CCDC170: variants seen among roughly 807,000 people sequenced by gnomAD.
CCDC170 encodes the protein coiled-coil domain containing 170, also known as coiled-coil domain-containing protein 170.
CCDC170 carries 69 observed loss-of-function variants against 72.6 expected under a neutral mutation model. The observed-to-expected ratio is 0.95, with a 90% CI of 0.78 to 1.16. CCDC170 has a LOEUF of 1.16. Ranked by LOEUF, CCDC170 falls within the 50% of genes most tolerant of loss-of-function variation. The pLI, the probability that CCDC170 is intolerant of heterozygous loss-of-function variation, is 0.00. For synonymous variants in CCDC170, 300 were observed against 303.9 expected (o/e 0.99, Z 0.13); for missense variants, 852 against 832.5 (o/e 1.02, Z -0.29).
intron 1 of CCDC170, among the ~76,000 whole-genome samples, chr6:151,494,644 A>G (rs558980103): frequency 3.3e-4 from 50 of 152,178 alleles, no homozygotes; most frequent in Non-Finnish European, 6.0e-4. Flanking sequence ...TTGGTAATTC[A>G]GTTGTTCCTG....
chr6:151,505,736 G>T (rs1214478824), intron 1 of CCDC170, among the ~76,000 whole-genome samples: 4 of 151,900 alleles, frequency 2.6e-5, no homozygotes, highest in African/African-American at 9.7e-5. Flanking sequence ...CTTTGCTATT[G>T]ATATGCAAAA....
rs55906416 is a variant in CCDC170, at chr6:151,619,002, GAAAAAAAAAAAAA to G, written c.*870_*882del. ...GGCGACAGAGTGAAACTACATCTCA[GAAAAAAAAAAAAA>G]AAAAAAAAAAAAAAGTTAATGTCCA... On this transcript the variant is annotated 3_prime_UTR_variant, in exon 11 of 11. Coordinates refer to ENST00000239374, the MANE Select transcript of CCDC170 (RefSeq NM_025059.4). 2.6e-4 allele frequency: 16 copies of G among 61,116 alleles called. No individual in the cohort carries two copies. Among genetic ancestry groups the G allele is most frequent in the Admixed American group, 1.1e-3 (4 of 3,792 alleles). 3.8% of individuals were successfully genotyped at this position (61,116 alleles called of 1,614,324 possible).
chr6:151,522,527 C>G (rs1179045200), intron 1 of CCDC170, among the ~76,000 whole-genome samples: 4 of 152,148 alleles, frequency 2.6e-5, no homozygotes, highest in African/African-American at 9.7e-5. Context: ...AGTACTCACC[C>G]CGTCATTCTC....
intron 9 of CCDC170, among the ~76,000 whole-genome samples, chr6:151,610,316 A>G (rs927040821): frequency 1.3e-5 from 2 of 152,244 alleles, no homozygotes; most frequent in African/African-American, 4.8e-5. Context: ...TCCATGATCA[A>G]TACTTCCCTT....
At chr6:151,592,147 C>T (rs770718687) in intron 7 of CCDC170, among the ~76,000 whole-genome samples, 3 of 151,978 alleles carry the variant, frequency 2.0e-5, no homozygotes, top group Non-Finnish European at 4.4e-5. Context: ...CACCTGAGGT[C>T]AGGAGTTTGA....
chr6:151,551,109 A>G (rs758673910), intron 5 of CCDC170, among the ~76,000 whole-genome samples: 11 of 152,204 alleles, frequency 7.2e-5, no homozygotes, highest in Non-Finnish European at 1.3e-4. Context: ...GAATATGACA[A>G]TGATCACCCA....
At chr6:151,576,570 T>C (rs1776307151) in intron 6 of CCDC170, among the ~76,000 whole-genome samples, 1 of 152,154 alleles carries the variant, frequency 6.6e-6, no homozygotes, top group African/African-American at 2.4e-5. Flanking sequence ...GGGTATGCTT[T>C]CTCCCACTCC....
rs374240577 is a variant in CCDC170, at chr6:151,585,897, C to T, written c.1101C>T (p.Ser367=). ...TGTTTCTTTGTTTCCAGATGGTCTC[C>T]CAGCTTGAAGCCCAAATATCTGAGC... ...SREESRDRMV[S]QLEAQISELV... is the part of the protein sequence containing the mutation. The change falls in exon 7 of 11, where the codon TCC becomes TCT. Residue 367 remains serine (S), a synonymous_variant. Coordinates refer to ENST00000239374, the MANE Select transcript of CCDC170 (RefSeq NM_025059.4). 6.2e-7 allele frequency: 1 copy of T among 1,613,306 alleles called. No homozygotes were observed. Among genetic ancestry groups the T allele is most frequent in the African/African-American group, 1.3e-5 (1 of 75,018 alleles).
At chr6:151,584,773 T>C (rs1291775904) in intron 6 of CCDC170, among the ~76,000 whole-genome samples, 1 of 152,222 alleles carries the variant, frequency 6.6e-6, no homozygotes, top group East Asian at 1.9e-4. Flanking sequence ...GAACAAATCC[T>C]TTTGTTCTCC....
intron 5 of CCDC170, among the ~76,000 whole-genome samples, chr6:151,554,394 T>C (rs1400922631): frequency 3.9e-5 from 6 of 152,218 alleles, no homozygotes; most frequent in African/African-American, 1.2e-4. Context: ...ATGTCAGTTC[T>C]GCCTTTTTTG....
intron 9 of CCDC170, among the ~76,000 whole-genome samples, chr6:151,603,410 G>C (rs1051486880): frequency 6.6e-6 from 1 of 152,148 alleles, no homozygotes; most frequent in Non-Finnish European, 1.5e-5. Context: ...CATTATTTAT[G>C]TATTAACTCT....
intron 5 of CCDC170, among the ~76,000 whole-genome samples, chr6:151,566,347 A>G (rs1434226608): frequency 6.6e-6 from 1 of 152,194 alleles, no homozygotes; most frequent in Non-Finnish European, 1.5e-5. Context: ...CATGATTTCA[A>G]GACTTTTGCC....
chr6:151,572,431 G>T (rs79511381), intron 5 of CCDC170, among the ~76,000 whole-genome samples: 7,846 of 152,204 alleles, frequency 0.052, 298 homozygotes, highest in East Asian at 0.21. Flanking sequence ...CTAGGACTCT[G>T]AGAGCTTACT....
At chr6:151,579,491 G>A (rs1776351825) in intron 6 of CCDC170, among the ~76,000 whole-genome samples, 1 of 152,144 alleles carries the variant, frequency 6.6e-6, no homozygotes, top group African/African-American at 2.4e-5. Flanking sequence ...CAAGAATCTT[G>A]GCATGGCAGG....
chr6:151,555,202 C>T (rs1173287182), intron 5 of CCDC170, among the ~76,000 whole-genome samples: 2 of 151,988 alleles, frequency 1.3e-5, no homozygotes, highest in East Asian at 1.9e-4. Context: ...TTTTTAAAAT[C>T]TGTAAAATGG....
chr6:151,591,633 T>A (rs375846285), intron 7 of CCDC170, among the ~76,000 whole-genome samples: 1 of 152,038 alleles, frequency 6.6e-6, no homozygotes, highest in Non-Finnish European at 1.5e-5. Flanking sequence ...TAGCTGGGAC[T>A]ACAGGTGCCC....
chr6:151,510,554 A>T (rs912838615), intron 1 of CCDC170, among the ~76,000 whole-genome samples: 2 of 152,158 alleles, frequency 1.3e-5, no homozygotes, highest in Non-Finnish European at 2.9e-5. Flanking sequence ...AACCCTTGAG[A>T]TTAAGATTCG....
intron 1 of CCDC170, among the ~76,000 whole-genome samples, chr6:151,507,758 T>A (rs946578467): frequency 6.6e-6 from 1 of 151,866 alleles, no homozygotes; most frequent in East Asian, 1.9e-4. Flanking sequence ...CTGTATCTAC[T>A]AAAAATACAA....
Position 151,573,442 on chromosome 6 carries a change from T to C in CCDC170, c.1043T>C (p.Ile348Thr). 1.2e-6 allele frequency: 2 copies of C among 1,614,062 alleles called. No individual in the cohort carries two copies. The highest frequency in any genetic ancestry group is 1.1e-5 in the South Asian group (1 of 91,070). The change falls in exon 6 of 11, where the codon ATT (isoleucine) becomes ACT (threonine). Residue 348 changes from isoleucine to threonine, a missense_variant. Ile to Thr is a moderately conservative substitution (Grantham distance 89). Coordinates refer to ENST00000239374, the MANE Select transcript of CCDC170 (RefSeq NM_025059.4). Reference sequence around the variant, plus strand: ...ATGACTGGGTCCACTGAGGACACCATTTTGGAGAAGATTCGAGAAATGGAC... The same window carrying C: ...ATGACTGGGTCCACTGAGGACACCACTTTGGAGAAGATTCGAGAAATGGAC... Reference protein sequence around the residue: ...LSMTGSTEDTILEKIREMDSR... With the variant: ...LSMTGSTEDTTLEKIREMDSR...
Sources: allele counts gnomAD v4.1 joint callset (sites outside exome capture counted in the v4.1 genomes callset), GRCh38; gene constraint gnomAD v4.1.1; transcripts MANE v1.5; gene names NCBI Gene and HGNC (gene_info 2026-07-23, HGNC 2026-07-21).